HNF4A: variants seen among roughly 807,000 people sequenced by gnomAD.
The protein encoded by HNF4A is hepatocyte nuclear factor 4 alpha.
A neutral mutation model predicts 52.4 loss-of-function variants in HNF4A; 15 were observed. The ratio of observed to expected loss-of-function variants is 0.29; its 90% CI spans 0.19 to 0.44. HNF4A has a LOEUF of 0.44. Among genes scored for constraint, HNF4A ranks in the 20% least tolerant of loss-of-function variants. The pLI is 1.00. For synonymous variants in HNF4A, 280 were observed against 264.4 expected (o/e 1.06, Z -0.57); for missense variants, 479 against 647.2 (o/e 0.74, Z 2.82).
chr20:44,380,186 G>A (rs1394696884), intron 1 of HNF4A, among the ~76,000 whole-genome samples: 1 of 152,146 alleles, frequency 6.6e-6, no homozygotes, highest in African/African-American at 2.4e-5. Context: ...GCCTCTTATT[G>A]CAGTTTTGAT....
intron 5 of HNF4A, among the ~76,000 whole-genome samples, chr20:44,415,320 C>G (rs755297732): frequency 5.9e-5 from 9 of 152,276 alleles, no homozygotes; most frequent in Non-Finnish European, 1.2e-4. Flanking sequence ...TGTTTCCCAC[C>G]AAAACGATTG....
At chr20:44,397,660 C>T (rs1370090175), upstream of HNF4A, among the ~76,000 whole-genome samples, 1 of 151,420 alleles carries the variant, frequency 6.6e-6, no homozygotes, top group Admixed American at 6.6e-5. Context: ...GAGTCTTGCT[C>T]TGTCACCCAG....
At chr20:44,365,087 C>A (rs1029991543) in intron 1 of HNF4A, among the ~76,000 whole-genome samples, 1 of 152,160 alleles carries the variant, frequency 6.6e-6, no homozygotes, top group Non-Finnish European at 1.5e-5. Flanking sequence ...CATGCTCACA[C>A]GTCCCTCCAC....
chr20:44,424,333 T>G (rs1163063285), intron 8 of HNF4A, 79 bp downstream of exon 8: 1 of 1,582,774 alleles, frequency 6.3e-7, no homozygotes, highest in Non-Finnish European at 8.6e-7. Context: ...AGCTCACCCC[T>G]CAGCTCCTTG....
upstream of HNF4A, chr20:44,401,144 C>A: frequency 7.4e-7 from 1 of 1,351,106 alleles, no homozygotes; most frequent in Non-Finnish European, 9.8e-7. Flanking sequence ...CCCCGCCCAG[C>A]CTATCCACCG....
In HNF4A at chr20:44,410,252, T is replaced by A. The variant is rs573739055; in HGVS notation, c.385+2777T>A. 1.2e-3 allele frequency among the ~76,000 whole-genome samples: 179 copies of A among 152,348 alleles called. 2 individuals carry two copies. The highest frequency in any genetic ancestry group is 4.2e-3 in the African/African-American group (174 of 41,582). On this transcript the variant is annotated intron_variant, in intron 3 of 9. Coordinates refer to ENST00000316099, the MANE Select transcript of HNF4A (RefSeq NM_000457.6). Reference sequence around the variant, plus strand: ...GCCTTGAAAATAGCTGCTTGCTTCCTGGCCCAGGGAAACGGACATGCTGCC... The same window carrying A: ...GCCTTGAAAATAGCTGCTTGCTTCCAGGCCCAGGGAAACGGACATGCTGCC...
intron 9 of HNF4A, 119 bp from the exon 10 acceptor site, chr20:44,429,394 ATTTTATAGAG>A (rs1437379463): frequency 1.0e-6 from 1 of 974,470 alleles, no homozygotes; most frequent in Non-Finnish European, 1.6e-6. Flanking sequence ...TAATTCTCTC[ATTTTATAGAG>A]GAAGAAATTA....
intron 1 of HNF4A, among the ~76,000 whole-genome samples, chr20:44,378,529 A>G (rs1462705902): frequency 6.6e-6 from 1 of 152,036 alleles, no homozygotes; most frequent in Admixed American, 6.6e-5. Context: ...CAGCCTCCCA[A>G]AGTGCTGGGA....
chr20:44,383,372 G>A (rs1441264547), intron 1 of HNF4A, among the ~76,000 whole-genome samples: 2 of 152,150 alleles, frequency 1.3e-5, no homozygotes, highest in Admixed American at 1.3e-4. Flanking sequence ...TCACAGAGCA[G>A]TTCAGTAACT....
In HNF4A at chr20:44,385,059, C is replaced by CTTTTTTTTTTTTTTTTTTTTTTTTTTT. The variant is rs775721024; in HGVS notation, c.50-20997_50-20971dup. On this transcript the variant is annotated intron_variant, in intron 1 of 9. Transcript: ENST00000316673. ...AGTGGTTTCAGCTGAACTCTGTGAT[C>CTTTTTTTTTTTTTTTTTTTTTTTTTTT]TTTTTTTTTTTTTTTTTTTTTTTTT... 1.5e-3 allele frequency among the ~76,000 whole-genome samples: 54 copies of CTTTTTTTTTTTTTTTTTTTTTTTTTTT among 34,982 alleles called. 12 individuals are homozygous for CTTTTTTTTTTTTTTTTTTTTTTTTTTT. The highest frequency in any genetic ancestry group is 0.021 in the Middle Eastern group (1 of 48). The allele number at this position is 34,982 out of a possible 152,430, so 22.9% of individuals were successfully genotyped here.
At chr20:44,398,019 G>T (rs763519706), upstream of HNF4A, among the ~76,000 whole-genome samples, 7 of 152,092 alleles carry the variant, frequency 4.6e-5, no homozygotes, top group Non-Finnish European at 8.8e-5. Flanking sequence ...CTAACATGAA[G>T]AACATTGTAT....
intron 1 of HNF4A, among the ~76,000 whole-genome samples, chr20:44,403,282 C>T (rs1272340308): frequency 6.6e-6 from 1 of 152,212 alleles, no homozygotes; most frequent in Non-Finnish European, 1.5e-5. Flanking sequence ...GGCATAGATC[C>T]TTCCAACCTG....
chr20:44,373,283 G>A (rs2063052473), intron 1 of HNF4A, among the ~76,000 whole-genome samples: 2 of 152,216 alleles, frequency 1.3e-5, no homozygotes, highest in South Asian at 4.1e-4. Flanking sequence ...ACAAGTAGCT[G>A]GGACTACAGA....
rs566155738 is a variant in HNF4A, at chr20:44,401,305, G to A, written c.-68G>A. 317 of 1,609,480 alleles carry A rather than the reference G, an allele frequency of 2.0e-4. No individual in the cohort carries two copies. The highest frequency in any genetic ancestry group is 9.8e-4 in the Admixed American group (59 of 59,958). ...CACTGGGAGGAGGCAGTGGGAGGGC[G>A]GAGGGCGGGGGCCTTCGGGGTGGGC... On this transcript the variant is annotated 5_prime_UTR_variant, in exon 1 of 10. Transcript: ENST00000316099.
At position 44,430,872 on chromosome 20, in the gene HNF4A, G is replaced by A. The variant is rs913254241; in HGVS notation, c.*1207G>A. 1 of 152,394 alleles carries A rather than the reference G, an allele frequency of 6.6e-6. No homozygotes were observed. Among genetic ancestry groups the A allele is most frequent in the African/African-American group, 2.4e-5 (1 of 41,528 alleles). The allele number at this position is 152,394 out of a possible 1,614,324, so 9.4% of individuals were successfully genotyped here. A position where few individuals can be genotyped will look rare whatever the true frequency, so the allele number is the denominator to read the frequency against. On this transcript the variant is annotated 3_prime_UTR_variant, in exon 10 of 10. Coordinates refer to ENST00000316099, the MANE Select transcript of HNF4A (RefSeq NM_000457.6). ...CTCACATCAGAGTGACATCCAGGAG[G>A]AATAAGCTCCCAGGGCCTGTCTCAA...
chr20:44,398,803 C>T (rs1222554972), upstream of HNF4A, among the ~76,000 whole-genome samples: 1 of 152,196 alleles, frequency 6.6e-6, no homozygotes, highest in East Asian at 1.9e-4. Flanking sequence ...CTTGGTTGAT[C>T]GTAGACCTTA....
intron 1 of HNF4A, among the ~76,000 whole-genome samples, chr20:44,383,931 A>G (rs553887724): frequency 5.3e-5 from 8 of 150,992 alleles, no homozygotes; most frequent in Admixed American, 6.6e-5. Context: ...GCTCACTGCA[A>G]CCTCCGCCTC....
intron 3 of HNF4A, among the ~76,000 whole-genome samples, chr20:44,411,264 G>T (rs2063577367): frequency 6.6e-6 from 1 of 152,210 alleles, no homozygotes; most frequent in South Asian, 2.1e-4. Flanking sequence ...TCCCTGGGAA[G>T]ACAGGCTCAT....
At chr20:44,377,263 C>CAATAG (rs1237800830) in intron 1 of HNF4A, among the ~76,000 whole-genome samples, 1 of 151,962 alleles carries the variant, frequency 6.6e-6, no homozygotes, top group Non-Finnish European at 1.5e-5. Flanking sequence ...AAGATGGGAA[C>CAATAG]AATAGGCACT....
Sources: allele counts gnomAD v4.1 joint callset (sites outside exome capture counted in the v4.1 genomes callset), GRCh38; gene constraint gnomAD v4.1.1; transcripts MANE v1.5; gene names NCBI Gene and HGNC (gene_info 2026-07-23, HGNC 2026-07-21).